The following SLC17A5 variants were observed in gnomAD, a reference collection of about 807,000 sequenced individuals.
SLC17A5 encodes solute carrier family 17 member 5.
Under a neutral mutation model 59.4 loss-of-function variants are expected in SLC17A5, and 47 were observed. That is an observed-to-expected ratio of 0.79 (90% CI 0.63 to 1.01). The LOEUF is 1.01. Ranked by LOEUF, SLC17A5 falls within the 50% of genes least tolerant of loss-of-function variation. The pLI is 0.00. For synonymous variants in SLC17A5, 202 were observed against 210.7 expected (o/e 0.96, Z 0.36); for missense variants, 522 against 595.5 (o/e 0.88, Z 1.28).
intron 9 of SLC17A5, among the ~76,000 whole-genome samples, chr6:73,602,469 C>A (rs9359038): frequency 0.057 from 8,576 of 151,510 alleles, 443 homozygotes; most frequent in Admixed American, 0.17. Context: ...ACAACAACAA[C>A]AAAAAACATT....
intron 1 of SLC17A5, among the ~76,000 whole-genome samples, chr6:73,648,720 G>A (rs932015135): frequency 6.6e-6 from 1 of 152,108 alleles, no homozygotes; most frequent in Non-Finnish European, 1.5e-5. Context: ...GAACAAAAGA[G>A]GCACATTAAT....
At chr6:73,627,902 G>A (rs1424921760) in intron 6 of SLC17A5, among the ~76,000 whole-genome samples, 7 of 150,376 alleles carry the variant, frequency 4.7e-5, no homozygotes, top group South Asian at 2.1e-4. Context: ...GATTACAGGC[G>A]TGAGCCACTG....
At chr6:73,600,569 G>C (rs1767012152) in intron 9 of SLC17A5, 128 bp from the exon 10 acceptor site, 1 of 753,254 alleles carries the variant, frequency 1.3e-6, no homozygotes, top group Admixed American at 2.3e-5. Flanking sequence ...AGGGCAGTGG[G>C]ATGATCTCAG....
Position 73,594,852 on chromosome 6 carries a change from A to G in SLC17A5, c.*225T>C, listed in dbSNP as rs1766722735. On this transcript the variant is annotated 3_prime_UTR_variant, in exon 11 of 11. Coordinates refer to ENST00000355773, the MANE Select transcript of SLC17A5 (RefSeq NM_012434.5). ...CATGTTGCCCGACTAGCAGGCAGGT[A>G]TGTGAACCTAAAGTAGAAGTCCTAG... 2 of 544,080 alleles carry G rather than the reference A, an allele frequency of 3.7e-6. No individual in the cohort carries two copies. Among genetic ancestry groups the G allele is most frequent in the Non-Finnish European group, 6.5e-6 (2 of 306,594 alleles). The allele number at this position is 544,080 out of a possible 1,614,324, so 33.7% of individuals were successfully genotyped here. A position where few individuals can be genotyped will look rare whatever the true frequency, so the allele number is the denominator to read the frequency against.
chr6:73,624,736 T>C (rs1247618836), intron 6 of SLC17A5, among the ~76,000 whole-genome samples: 4 of 151,996 alleles, frequency 2.6e-5, no homozygotes, highest in Non-Finnish European at 4.4e-5. Context: ...TAGCTGGATG[T>C]GGTGGCGCGA....
chr6:73,613,365 T>C (rs1025001898), intron 8 of SLC17A5, among the ~76,000 whole-genome samples: 1 of 131,596 alleles, frequency 7.6e-6, no homozygotes, highest in Admixed American at 7.4e-5. Flanking sequence ...GATAAATCTT[T>C]TATAAATTTT....
Position 73,617,942 on chromosome 6 carries a change from A to T in SLC17A5, c.979-2495T>A, listed in dbSNP as rs1276137821. Among the ~76,000 whole-genome samples the T allele has an allele frequency of 7.3e-5, 11 of 151,010 alleles. No individual in the cohort carries two copies. The Admixed American group carries it at 7.3e-4, about 10-fold the overall frequency. ...CATTTATTTAAAAAAATTGATTCCAATTTTTTTGCAGGCGCATTGGCTCAC... is the reference window on the plus strand; with the variant it reads ...CATTTATTTAAAAAAATTGATTCCATTTTTTTTGCAGGCGCATTGGCTCAC... On this transcript the variant is annotated intron_variant, in intron 7 of 10. Coordinates refer to ENST00000355773, the MANE Select transcript of SLC17A5 (RefSeq NM_012434.5).
chr6:73,650,507 CAAAA>C (rs999445559), intron 1 of SLC17A5, among the ~76,000 whole-genome samples: 5 of 35,564 alleles, frequency 1.4e-4, no homozygotes, highest in Admixed American at 3.4e-4. Context: ...GACTCCGTCT[CAAAA>C]AAAAAAAAAA....
chr6:73,626,608 A>C (rs1768430786), intron 6 of SLC17A5, among the ~76,000 whole-genome samples: 1 of 152,228 alleles, frequency 6.6e-6, no homozygotes, highest in Non-Finnish European at 1.5e-5. Context: ...AGTGCTGTCC[A>C]GTAGAACTTT....
chr6:73,640,264 G>A (rs531317703), intron 3 of SLC17A5, among the ~76,000 whole-genome samples: 77 of 152,270 alleles, frequency 5.1e-4, no homozygotes, highest in African/African-American at 1.8e-3. Context: ...GGTAATAGAG[G>A]AGTAATTTTA....
At chr6:73,644,708 G>A (rs1769456961) in intron 1 of SLC17A5, 105 bp from the exon 2 acceptor site, 2 of 1,066,188 alleles carry the variant, frequency 1.9e-6, no homozygotes, top group African/African-American at 3.2e-5. Flanking sequence ...CTGGGCTCAA[G>A]CCATCCACCC....
At chr6:73,617,515 C>T (rs1767927303) in intron 7 of SLC17A5, among the ~76,000 whole-genome samples, 1 of 152,116 alleles carries the variant, frequency 6.6e-6, no homozygotes, top group African/African-American at 2.4e-5. Flanking sequence ...GATAATTCCT[C>T]ACAGTTAGTA....
intron 4 of SLC17A5, 148 bp downstream of exon 4, chr6:73,638,264 G>A: frequency 3.1e-6 from 2 of 649,698 alleles, no homozygotes; most frequent in Non-Finnish European, 5.5e-6. Flanking sequence ...GAGAAAAATT[G>A]GTAATAAAGT....
chr6:73,614,459 T>C (rs1278650156), intron 8 of SLC17A5, among the ~76,000 whole-genome samples: 1 of 152,130 alleles, frequency 6.6e-6, no homozygotes, highest in East Asian at 1.9e-4. Flanking sequence ...TGCCCCCGGT[T>C]TTTTGGCACA....
intron 7 of SLC17A5, among the ~76,000 whole-genome samples, chr6:73,615,961 C>G (rs549056142): frequency 3.5e-5 from 5 of 142,718 alleles, no homozygotes; most frequent in Non-Finnish European, 7.5e-5. Flanking sequence ...TCTCGACTCA[C>G]TGCAACCTCT....
intron 3 of SLC17A5, among the ~76,000 whole-genome samples, chr6:73,639,471 G>A (rs556571733): frequency 1.3e-5 from 2 of 152,238 alleles, no homozygotes; most frequent in Admixed American, 6.5e-5. Context: ...AGATGATTTA[G>A]GTACATTGCA....
chr6:73,639,431 T>C (rs570330741), intron 3 of SLC17A5, among the ~76,000 whole-genome samples: 3 of 151,980 alleles, frequency 2.0e-5, no homozygotes, highest in South Asian at 4.1e-4. Flanking sequence ...ACAAAAGGAA[T>C]TAAAAAAAAG....
intron 6 of SLC17A5, among the ~76,000 whole-genome samples, chr6:73,629,665 C>G (rs981455430): frequency 1.3e-5 from 2 of 151,824 alleles, no homozygotes; most frequent in Admixed American, 1.3e-4. Flanking sequence ...ATCCCAGCTA[C>G]TTGGGAGGCT....
At chr6:73,632,419 T>G (rs1395727942) in intron 6 of SLC17A5, among the ~76,000 whole-genome samples, 3 of 143,918 alleles carry the variant, frequency 2.1e-5, no homozygotes, top group Non-Finnish European at 4.5e-5. Flanking sequence ...AAGACACATA[T>G]CGATGTAGAG....
Sources: gnomAD v4.1 joint callset for allele counts (sites outside exome capture counted in the v4.1 genomes callset) on GRCh38, gnomAD v4.1.1 for gene constraint, MANE v1.5 for transcripts, NCBI Gene and HGNC (gene_info 2026-07-23, HGNC 2026-07-21) for gene names.